Variants in NCALD observed in about 807,000 individuals in gnomAD.
NCALD encodes neurocalcin delta, also known as neurocalcin-delta.
In NCALD, 10 loss-of-function variants were observed where a neutral mutation model predicts 18.6. That is an observed-to-expected ratio of 0.54 (90% CI 0.33 to 0.91). The LOEUF (loss-of-function observed/expected upper bound fraction) is 0.91. NCALD is among the 40% of genes least tolerant of loss of function. NCALD has a pLI of 0.03. For synonymous variants in NCALD, 88 were observed against 87.4 expected (o/e 1.01, Z -0.04); for missense variants, 184 against 247.6 (o/e 0.74, Z 1.72).
chr8:101,893,808 A>T (rs1229991627), intron 3 of NCALD, among the ~76,000 whole-genome samples: 2 of 143,388 alleles, frequency 1.4e-5, no homozygotes, highest in Non-Finnish European at 3.0e-5. Context: ...CAACAAGAAG[A>T]GCTAACTATC....
intron 1 of NCALD, among the ~76,000 whole-genome samples, chr8:102,098,869 C>A (rs907593673): frequency 2.0e-5 from 3 of 152,202 alleles, no homozygotes; most frequent in Non-Finnish European, 4.4e-5. Flanking sequence ...GTGATTGGCT[C>A]AGGGATGAGC....
chr8:101,969,811 C>T (rs1329019649), intron 2 of NCALD, among the ~76,000 whole-genome samples: 1 of 152,188 alleles, frequency 6.6e-6, no homozygotes, highest in African/African-American at 2.4e-5. Flanking sequence ...AAAACAATTT[C>T]ATATGATTTG....
At chr8:101,934,109 A>C (rs539559550) in intron 2 of NCALD, among the ~76,000 whole-genome samples, 1 of 152,174 alleles carries the variant, frequency 6.6e-6, no homozygotes, top group South Asian at 2.1e-4. Context: ...AGCAAGCCTC[A>C]AAAACAACCT....
intron 2 of NCALD, among the ~76,000 whole-genome samples, chr8:102,014,952 G>T (rs1822030685): frequency 1.3e-5 from 2 of 152,160 alleles, no homozygotes; most frequent in Non-Finnish European, 2.9e-5. Context: ...AGATCTCAGT[G>T]GGTGCAGATG....
chr8:101,697,320 A>G (rs763290565), intron 2 of NCALD, among the ~76,000 whole-genome samples: 2 of 152,300 alleles, frequency 1.3e-5, no homozygotes, highest in South Asian at 2.1e-4. Context: ...ACCAACCTAA[A>G]AAAGCCCAGG....
At chr8:101,890,972 G>A (rs1017338625) in intron 3 of NCALD, among the ~76,000 whole-genome samples, 18 of 152,218 alleles carry the variant, frequency 1.2e-4, no homozygotes, top group South Asian at 2.1e-4. Flanking sequence ...ATGGAATATC[G>A]ATAAACCACA....
intron 1 of NCALD, among the ~76,000 whole-genome samples, chr8:101,758,637 T>C (rs1455153383): frequency 6.6e-6 from 1 of 152,194 alleles, no homozygotes; most frequent in Non-Finnish European, 1.5e-5. Context: ...TCTGTCCCCA[T>C]GTGTCCTGAC....
intron 2 of NCALD, among the ~76,000 whole-genome samples, chr8:101,994,057 G>A (rs541518730): frequency 1.3e-5 from 2 of 152,248 alleles, no homozygotes; most frequent in South Asian, 4.1e-4. Context: ...GTTCACCAAA[G>A]CAATTGCCAT....
intron 1 of NCALD, among the ~76,000 whole-genome samples, chr8:101,784,622 C>T (rs1812149049): frequency 6.6e-6 from 1 of 151,574 alleles, no homozygotes; most frequent in Admixed American, 6.6e-5. Context: ...CATAGTGAGA[C>T]CCCAAGTCTA....
chr8:102,104,720 C>T (rs117071401), intron 1 of NCALD, among the ~76,000 whole-genome samples: 3,001 of 152,224 alleles, frequency 0.02, 38 homozygotes, highest in Non-Finnish European at 0.031. Flanking sequence ...TCTTGTAATA[C>T]TAACATGTCA....
In NCALD at chr8:102,122,307, C is replaced by T. The variant is rs555616318; in HGVS notation, c.-210+1930G>A. Among the ~76,000 whole-genome samples the T allele has an allele frequency of 7.9e-5, 12 of 152,220 alleles. No individual in the cohort carries two copies. The East Asian group carries it at 1.5e-3, about 20-fold the overall frequency. Reference sequence around the variant, plus strand: ...GTTAATGAAGAGAGAAGGGTGGGACCGTGAAAGTCCCTGGAGTGTGAATTC... The same window carrying T: ...GTTAATGAAGAGAGAAGGGTGGGACTGTGAAAGTCCCTGGAGTGTGAATTC... On this transcript the variant is annotated intron_variant, in intron 1 of 6. Coordinates refer to the NCALD transcript ENST00000311028.
At chr8:101,846,224 T>G (rs1426269438) in intron 4 of NCALD, among the ~76,000 whole-genome samples, 3 of 152,178 alleles carry the variant, frequency 2.0e-5, no homozygotes, top group Non-Finnish European at 2.9e-5. Context: ...ATATTTCTAT[T>G]TTTAGTTTTT....
At chr8:102,107,103 A>T (rs1825482099) in intron 1 of NCALD, among the ~76,000 whole-genome samples, 1 of 151,008 alleles carries the variant, frequency 6.6e-6, no homozygotes, top group African/African-American at 2.4e-5. Flanking sequence ...CCTTAAAAAA[A>T]AAACTGATTT....
At chr8:101,720,759 T>G (rs569596165) in intron 1 of NCALD, among the ~76,000 whole-genome samples, 10 of 152,354 alleles carry the variant, frequency 6.6e-5, no homozygotes, top group African/African-American at 2.4e-4. Flanking sequence ...AAACTGAAGT[T>G]ATTTTCTCAA....
chr8:101,990,721 C>A (rs561070517), intron 2 of NCALD, among the ~76,000 whole-genome samples: 1 of 152,282 alleles, frequency 6.6e-6, no homozygotes, highest in Admixed American at 6.5e-5. Context: ...ATTAAAGCTA[C>A]TTCTTTTGTA....
chr8:101,732,054 G>C (rs767908411), intron 1 of NCALD, among the ~76,000 whole-genome samples: 2 of 152,192 alleles, frequency 1.3e-5, no homozygotes, highest in East Asian at 1.9e-4. Flanking sequence ...TGCTGGACCA[G>C]AGCAGGCTGC....
intron 3 of NCALD, among the ~76,000 whole-genome samples, chr8:101,901,198 AT>A (rs547085323): frequency 6.6e-6 from 1 of 151,706 alleles, no homozygotes; most frequent in South Asian, 2.1e-4. Flanking sequence ...ACATTAAAAC[AT>A]TTTTTCATTC....
At chr8:102,045,559 A>G (rs895900192) in intron 1 of NCALD, among the ~76,000 whole-genome samples, 3 of 152,218 alleles carry the variant, frequency 2.0e-5, no homozygotes, top group African/African-American at 7.2e-5. Context: ...TTTTGTCATC[A>G]TCACCATTAT....
At chr8:101,910,846 A>G (rs1383318346) in intron 3 of NCALD, among the ~76,000 whole-genome samples, 1 of 152,196 alleles carries the variant, frequency 6.6e-6, no homozygotes, top group Non-Finnish European at 1.5e-5. Flanking sequence ...TCTGAAGACC[A>G]CCACAGGGCA....
Sources: gnomAD v4.1 joint callset for allele counts (sites outside exome capture counted in the v4.1 genomes callset) on GRCh38, gnomAD v4.1.1 for gene constraint, MANE v1.5 for transcripts, NCBI Gene and HGNC (gene_info 2026-07-23, HGNC 2026-07-21) for gene names.